The following RIMBP2 variants were observed in gnomAD, a reference collection of about 807,000 sequenced individuals.
RIMBP2 encodes RIMS-binding protein 2.
A neutral mutation model predicts 118.6 loss-of-function variants in RIMBP2; 48 were observed. That is an observed-to-expected ratio of 0.40 (90% confidence interval 0.32 to 0.51). The LOEUF (loss-of-function observed/expected upper bound fraction) is 0.51, where lower values mean the gene tolerates loss of function less well. Ranked by LOEUF, RIMBP2 falls within the 20% of genes least tolerant of loss-of-function variation. The probability of loss-of-function intolerance (pLI) is 0.41; values close to 1 mark genes in which losing one functional copy is unlikely to be tolerated. For missense variants in RIMBP2, 1,551 were observed against 1,768.3 expected (o/e 0.88, Z 2.20); for synonymous variants, 762 against 742.9 (o/e 1.03, Z -0.42).
intron 1 of RIMBP2, among the ~76,000 whole-genome samples, chr12:130,659,387 C>T (rs910325726): frequency 1.2e-4 from 18 of 151,584 alleles, no homozygotes; most frequent in Non-Finnish European, 2.1e-4. Flanking sequence ...CTGGCTAACA[C>T]GGTGAAACCC....
At chr12:130,574,737 G>A (rs534333989) in intron 2 of RIMBP2, among the ~76,000 whole-genome samples, 5 of 151,732 alleles carry the variant, frequency 3.3e-5, no homozygotes, top group African/African-American at 7.3e-5. Context: ...CAGCCCCACC[G>A]CCCACCCCAG....
chr12:130,487,322 ACGGGGGCATAGC>A (rs533860590), intron 4 of RIMBP2, among the ~76,000 whole-genome samples: 178 of 152,292 alleles, frequency 1.2e-3, no homozygotes, highest in Admixed American at 5.8e-3. Context: ...TGTCTGGGTC[ACGGGGGCATAGC>A]CCTCATGAAT....
At chr12:130,481,934 G>A (rs35221749) in intron 4 of RIMBP2, among the ~76,000 whole-genome samples, 38,760 of 145,740 alleles carry the variant, frequency 0.27, 5,434 homozygotes, top group Middle Eastern at 0.45. Context: ...CCCCCAAGCC[G>A]CCACCACCAC....
At chr12:130,689,745 G>A (rs1218307822) in intron 1 of RIMBP2, among the ~76,000 whole-genome samples, 1 of 152,170 alleles carries the variant, frequency 6.6e-6, no homozygotes, top group African/African-American at 2.4e-5. Flanking sequence ...CCCTGCCCGC[G>A]AGTGGAGGAC....
chr12:130,692,137 G>A (rs897783782), intron 1 of RIMBP2, among the ~76,000 whole-genome samples: 3 of 152,198 alleles, frequency 2.0e-5, no homozygotes, highest in African/African-American at 7.2e-5. Context: ...TCACTACACT[G>A]GGAGATGAGA....
In RIMBP2 at chr12:130,565,233, TA is replaced by T. The variant is rs2057126954; in HGVS notation, c.-216-47317del. On this transcript the variant is annotated intron_variant, in intron 2 of 22. Transcript: ENST00000690449. ...AAGTTCAGATGCCTATTATTTAAAA[TA>T]ATTTTTTTAAAAAATGGAAAGTTAC... 3.3e-5 allele frequency among the ~76,000 whole-genome samples: 5 copies of T among 152,310 alleles called. No homozygotes were observed. In the South Asian group the frequency reaches 1.0e-3, roughly 32 times the overall value.
intron 20 of RIMBP2, among the ~76,000 whole-genome samples, chr12:130,406,591 C>G (rs917871391): frequency 6.6e-6 from 1 of 152,198 alleles, no homozygotes; most frequent in African/African-American, 2.4e-5. Flanking sequence ...AGTATAAGGA[C>G]CATTACGTAA....
chr12:130,481,533 C>A (rs2082010208), intron 4 of RIMBP2, among the ~76,000 whole-genome samples: 1 of 152,182 alleles, frequency 6.6e-6, no homozygotes, highest in Admixed American at 6.5e-5. Flanking sequence ...AACTCAGAAG[C>A]TGGAATTACC....
chr12:130,572,330 A>G (rs1338436012), intron 2 of RIMBP2, among the ~76,000 whole-genome samples: 1 of 152,184 alleles, frequency 6.6e-6, no homozygotes, highest in Non-Finnish European at 1.5e-5. Context: ...AAATGCACTC[A>G]CAGTAACCCC....
At chr12:130,452,183 G>C (rs1223902110) in intron 7 of RIMBP2, among the ~76,000 whole-genome samples, 4 of 152,168 alleles carry the variant, frequency 2.6e-5, no homozygotes, top group Admixed American at 2.6e-4. Flanking sequence ...CCCCTCCCTG[G>C]GGTCCTCGGT....
intron 2 of RIMBP2, among the ~76,000 whole-genome samples, chr12:130,552,977 C>T (rs974170629): frequency 1.5e-4 from 23 of 151,770 alleles, no homozygotes; most frequent in African/African-American, 5.6e-4. Context: ...ATGGTGAAAC[C>T]CCATCTCTAC....
rs138951477 is a variant in RIMBP2 at position 130,607,364 on chromosome 12, A to T, written c.-217+20958T>A. 2.1e-3 allele frequency among the ~76,000 whole-genome samples: 319 copies of T among 152,078 alleles called. 1 individual carries two copies. The highest frequency in any genetic ancestry group is 2.7e-3 in the East Asian group (14 of 5,154). ...CCATGACCGCATCTGCTCAGATCAC[A>T]ATTTAACAGGCTGATTAAGATGATG... On this transcript the variant is annotated intron_variant, in intron 2 of 22. Transcript: ENST00000690449.
chr12:130,608,226 G>T (rs567915199), intron 2 of RIMBP2, among the ~76,000 whole-genome samples: 1 of 152,174 alleles, frequency 6.6e-6, no homozygotes, highest in South Asian at 2.1e-4. Flanking sequence ...CCAAGCTTAC[G>T]GCTGAATAAA....
At chr12:130,634,162 C>T (rs1405207232) in intron 1 of RIMBP2, among the ~76,000 whole-genome samples, 1 of 152,184 alleles carries the variant, frequency 6.6e-6, no homozygotes, top group African/African-American at 2.4e-5. Flanking sequence ...TCGCTCTCTT[C>T]CCCCCGAATC....
intron 14 of RIMBP2, among the ~76,000 whole-genome samples, chr12:130,433,069 C>A (rs956256769): frequency 6.6e-6 from 1 of 151,082 alleles, no homozygotes; most frequent in Non-Finnish European, 1.5e-5. Flanking sequence ...AACTCCAGAA[C>A]AACAGGCGCT....
At chr12:130,574,561 G>A (rs2057942097) in intron 2 of RIMBP2, among the ~76,000 whole-genome samples, 4 of 152,136 alleles carry the variant, frequency 2.6e-5, no homozygotes, top group Admixed American at 2.6e-4. Flanking sequence ...GAGATGCATC[G>A]CTGAACCTGG....
At chr12:130,564,900 C>A (rs1268914293) in intron 2 of RIMBP2, among the ~76,000 whole-genome samples, 3 of 152,166 alleles carry the variant, frequency 2.0e-5, no homozygotes, top group African/African-American at 7.2e-5. Context: ...ACACACAGAA[C>A]AACAAGGAAA....
chr12:130,517,043 G>A (rs1343706184), intron 3 of RIMBP2, among the ~76,000 whole-genome samples: 1 of 152,114 alleles, frequency 6.6e-6, no homozygotes, highest in East Asian at 1.9e-4. Context: ...TCCATGTGTG[G>A]GAAACTTAAT....
At chr12:130,409,174 G>A (rs1450008485) in intron 19 of RIMBP2, among the ~76,000 whole-genome samples, 1 of 152,064 alleles carries the variant, frequency 6.6e-6, no homozygotes, top group Non-Finnish European at 1.5e-5. Flanking sequence ...TTTACGTTGT[G>A]ATAAGCACAC....
Sources: allele counts gnomAD v4.1 joint callset (sites outside exome capture counted in the v4.1 genomes callset), GRCh38; gene constraint gnomAD v4.1.1; transcripts MANE v1.5; gene names NCBI Gene and HGNC (gene_info 2026-07-23, HGNC 2026-07-21).